EYA1: variants seen among roughly 807,000 people sequenced by gnomAD.
EYA1 encodes EYA transcriptional coactivator and phosphatase 1, also known as protein phosphatase EYA1.
EYA1 carries 16 observed loss-of-function variants against 82.0 expected under a neutral mutation model. That is an observed-to-expected ratio of 0.20 (90% CI 0.13 to 0.30). The LOEUF is 0.30. EYA1 is among the 10% of genes least tolerant of loss of function. The probability of loss-of-function intolerance (pLI) is 1.00; values close to 1 mark genes in which losing one functional copy is unlikely to be tolerated. For missense variants in EYA1, 633 were observed against 730.7 expected, an observed-to-expected ratio of 0.87 and a Z score of 1.54; for synonymous variants, 261 against 264.4, an observed-to-expected ratio of 0.99 and a Z score of 0.12.
intron 17 of EYA1, among the ~76,000 whole-genome samples, chr8:71,200,864 T>C (rs1165724292): frequency 2.0e-5 from 3 of 151,148 alleles, no homozygotes; most frequent in East Asian, 2.0e-4. Flanking sequence ...GCTGAACTAG[T>C]TATGAAGGAT....
At chr8:71,403,462 T>C (rs1205488519) in intron 2 of EYA1, 2 of 152,164 alleles carry the variant, frequency 1.3e-5, no homozygotes, top group Admixed American at 1.3e-4. Context: ...GTTGGCAGTA[T>C]TTATTCAAAC....
chr8:71,532,975 A>T (rs1183095268), intron 2 of EYA1, among the ~76,000 whole-genome samples: 1 of 152,258 alleles, frequency 6.6e-6, no homozygotes, highest in Non-Finnish European at 1.5e-5. Flanking sequence ...CATGTGCAAC[A>T]TCACTGATGA....
At chr8:71,367,025 G>T (rs1352201623), upstream of EYA1, among the ~76,000 whole-genome samples, 1 of 152,110 alleles carries the variant, frequency 6.6e-6, no homozygotes, top group African/African-American at 2.4e-5. Flanking sequence ...CTTTAAGGAT[G>T]CAAAAATAAA....
intron 2 of EYA1, among the ~76,000 whole-genome samples, chr8:71,382,402 G>A (rs1414656618): frequency 6.6e-6 from 1 of 151,904 alleles, no homozygotes; most frequent in Non-Finnish European, 1.5e-5. Flanking sequence ...ACAATAAAAA[G>A]AGCAAATATC....
At chr8:71,492,059 T>C (rs1200413066) in intron 2 of EYA1, among the ~76,000 whole-genome samples, 2 of 152,132 alleles carry the variant, frequency 1.3e-5, no homozygotes, top group Non-Finnish European at 1.5e-5. Context: ...CTACCGGACG[T>C]TGGCAAATGG....
chr8:71,421,998 T>G (rs1398046816), intron 2 of EYA1, among the ~76,000 whole-genome samples: 3 of 152,238 alleles, frequency 2.0e-5, no homozygotes, highest in African/African-American at 7.2e-5. Context: ...TACCTGTAAC[T>G]ATCAATTTTT....
At position 71,355,370 on chromosome 8, in the gene EYA1, C is replaced by T. The variant is rs561210410; in HGVS notation, c.-4-461G>A. On this transcript the variant is annotated intron_variant, in intron 2 of 17. Transcript: ENST00000340726. Reference sequence around the variant, plus strand: ...TCATCTAATAAATTAGCACTAGGTACTCCCTTATAATTTACCACCCAGTTG... The same window carrying T: ...TCATCTAATAAATTAGCACTAGGTATTCCCTTATAATTTACCACCCAGTTG... 1.6e-3 allele frequency among the ~76,000 whole-genome samples: 244 copies of T among 152,312 alleles called. 1 individual carries two copies. The highest frequency in any genetic ancestry group is 5.5e-3 in the African/African-American group (227 of 41,562).
At chr8:71,537,235 T>C (rs1433279146) in intron 1 of EYA1, among the ~76,000 whole-genome samples, 1 of 152,240 alleles carries the variant, frequency 6.6e-6, no homozygotes, top group Non-Finnish European at 1.5e-5. Context: ...TAAAGCACTA[T>C]GTTTTTGTAA....
At chr8:71,346,456 C>CTATA (rs1433880940) in intron 3 of EYA1, among the ~76,000 whole-genome samples, 1 of 101,820 alleles carries the variant, frequency 9.8e-6, no homozygotes, top group Admixed American at 1.0e-4. Context: ...ATATATATAT[C>CTATA]TATATATATC....
At chr8:71,508,283 C>T (rs550651199) in intron 2 of EYA1, among the ~76,000 whole-genome samples, 1 of 152,088 alleles carries the variant, frequency 6.6e-6, no homozygotes, top group Admixed American at 6.6e-5. Context: ...GGTTTTGTTG[C>T]TGTTGTTTTT....
At chr8:71,515,811 T>G (rs1298544839) in intron 2 of EYA1, among the ~76,000 whole-genome samples, 2 of 152,162 alleles carry the variant, frequency 1.3e-5, no homozygotes, top group Non-Finnish European at 2.9e-5. Context: ...CAACAAGACC[T>G]TTTGCAATTC....
chr8:71,397,774 G>A (rs962231418), intron 2 of EYA1, among the ~76,000 whole-genome samples: 1 of 151,788 alleles, frequency 6.6e-6, no homozygotes, highest in African/African-American at 2.4e-5. Context: ...GTCTTGGAGT[G>A]GCTCTTCTCG....
chr8:71,412,970 T>C (rs970210736), intron 2 of EYA1, among the ~76,000 whole-genome samples: 5 of 152,126 alleles, frequency 3.3e-5, no homozygotes, highest in Non-Finnish European at 5.9e-5. Context: ...CAAGACTAAA[T>C]TAGAGTGGGT....
At chr8:71,231,147 C>T (rs1180979036) in intron 12 of EYA1, among the ~76,000 whole-genome samples, 1 of 152,220 alleles carries the variant, frequency 6.6e-6, no homozygotes, top group Non-Finnish European at 1.5e-5. Context: ...AAATCCTACC[C>T]AGACTACTTT....
At chr8:71,362,155 C>CTTTTT (rs35320129), upstream of EYA1, 1,137 of 822,382 alleles carry the variant, frequency 1.4e-3, 3 homozygotes, top group African/African-American at 0.015. Context: ...TCGGGGCTTT[C>CTTTTT]TTTTTTTTTT....
intron 9 of EYA1, among the ~76,000 whole-genome samples, chr8:71,293,168 C>T (rs1563411286): frequency 6.6e-6 from 1 of 152,008 alleles, no homozygotes; most frequent in East Asian, 1.9e-4. Flanking sequence ...AATTCTATAT[C>T]CACAAATTAG....
At chr8:71,340,461 G>C (rs974020111) in intron 3 of EYA1, among the ~76,000 whole-genome samples, 1 of 152,126 alleles carries the variant, frequency 6.6e-6, no homozygotes, top group African/African-American at 2.4e-5. Context: ...GGCATCCTAA[G>C]ATGTTTAATG....
At chr8:71,483,253 A>G (rs1400258988) in intron 2 of EYA1, among the ~76,000 whole-genome samples, 1 of 152,116 alleles carries the variant, frequency 6.6e-6, no homozygotes, top group African/African-American at 2.4e-5. Flanking sequence ...TCCTCGAGAT[A>G]GCCACCAACC....
At chr8:71,517,731 GTATACATAT>G in intron 2 of EYA1, among the ~76,000 whole-genome samples, 1 of 129,108 alleles carries the variant, frequency 7.7e-6, no homozygotes. Flanking sequence ...ATATATAACT[GTATACATAT>G]ATATAACTGT....
Sources: gnomAD v4.1 joint callset for allele counts (sites outside exome capture counted in the v4.1 genomes callset) on GRCh38, gnomAD v4.1.1 for gene constraint, MANE v1.5 for transcripts, NCBI Gene and HGNC (gene_info 2026-07-23, HGNC 2026-07-21) for gene names.